Variants in PIK3R6 observed in about 807,000 individuals in gnomAD.
PIK3R6 encodes the protein phosphoinositide-3-kinase regulatory subunit 6.
PIK3R6 carries 91 observed loss-of-function variants against 84.9 expected under a neutral mutation model. That is an observed-to-expected ratio of 1.07 (90% CI 0.90 to 1.28). The LOEUF (loss-of-function observed/expected upper bound fraction) is 1.28. Among genes scored for constraint, PIK3R6 ranks in the 50% most tolerant of loss-of-function variants. PIK3R6 has a pLI of 0.00. For synonymous variants in PIK3R6, 416 were observed against 411.4 expected, an observed-to-expected ratio of 1.01 and a Z score of -0.13; for missense variants, 996 against 985.1, an observed-to-expected ratio of 1.01 and a Z score of -0.15.
chr17:8,858,383 C>T (rs1222853691), intron 1 of PIK3R6, among the ~76,000 whole-genome samples: 6 of 136,042 alleles, frequency 4.4e-5, no homozygotes, highest in Admixed American at 3.3e-4. Context: ...GTGACGCGAT[C>T]TCGGCTCACT....
chr17:8,827,250 C>T lies in PIK3R6; in HGVS notation c.1437G>A (p.Thr479=), dbSNP rs553723709. The T allele has an allele frequency of 2.3e-5, 37 of 1,582,406 alleles. No individual in the cohort carries two copies. The highest frequency in any genetic ancestry group is 3.0e-5 in the Non-Finnish European group (35 of 1,164,544). The part of the protein sequence containing the change: ...SRQPELGELA[T]FLGRVDPWYQ... ...ACCACGGGTCTACGCGGCCCAGGAACGTAGCCAGCTCTCCCAGCTCCGGCT... is the reference window on the plus strand; with the variant it reads ...ACCACGGGTCTACGCGGCCCAGGAATGTAGCCAGCTCTCCCAGCTCCGGCT... Residue 479 remains threonine (T), a synonymous_variant, in exon 13 of 20, where the codon ACG becomes ACA. Coordinates refer to ENST00000619866, the MANE Select transcript of PIK3R6 (RefSeq NM_001010855.4).
intron 8 of PIK3R6, 33 bp from the exon 9 acceptor site, chr17:8,833,078 G>T (rs1395550453): frequency 6.6e-7 from 1 of 1,521,198 alleles, no homozygotes. Flanking sequence ...CCTGGGTCTT[G>T]GCCCAGCGCC....
chr17:8,808,918 A>G (rs1460235655), intron 18 of PIK3R6, among the ~76,000 whole-genome samples: 1 of 152,244 alleles, frequency 6.6e-6, no homozygotes, highest in Non-Finnish European at 1.5e-5. Context: ...GACTCAGAGT[A>G]CAGGGCTTCA....
rs776247729 is a variant in PIK3R6 at position 8,803,402 on chromosome 17, T to C, written c.2136A>G (p.Pro712=). 7 of 1,611,946 alleles carry C rather than the reference T, an allele frequency of 4.3e-6. No homozygotes were observed. The Admixed American group carries it at 1.0e-4, about 23-fold the overall frequency. Residue 712 remains proline (P), a synonymous_variant, in exon 20 of 20, where the codon CCA becomes CCG. Coordinates refer to ENST00000619866, the MANE Select transcript of PIK3R6 (RefSeq NM_001010855.4). This position sits in a 1 kb window ranked among gnomAD's most constrained non-coding sequence, Gnocchi z 5.0. ...VRFEVAPCPE[P]CSGAQKSKAP... is the part of the protein sequence containing the mutation. ...CCTTGGACTTCTGGGCCCCAGAACATGGTTCTGGGCAGGGAGCAACCTCGA... is the reference window on the plus strand; with the variant it reads ...CCTTGGACTTCTGGGCCCCAGAACACGGTTCTGGGCAGGGAGCAACCTCGA...
chr17:8,863,598 G>A (rs746913755), intron 1 of PIK3R6, among the ~76,000 whole-genome samples: 110 of 151,914 alleles, frequency 7.2e-4, no homozygotes, highest in Middle Eastern at 6.8e-3. Context: ...GCAGTGGTGC[G>A]ATCTCGGCTC....
chr17:8,829,543 CACAG>C lies in PIK3R6; in HGVS notation c.889+159_889+162del, dbSNP rs1325956680. 2.2e-3 allele frequency among the ~76,000 whole-genome samples: 325 copies of C among 150,430 alleles called. 4 individuals carry two copies. The highest frequency in any genetic ancestry group is 0.02 in the South Asian group (95 of 4,758). On this transcript the variant is annotated intron_variant, in intron 10 of 19. Coordinates refer to ENST00000619866, the MANE Select transcript of PIK3R6 (RefSeq NM_001010855.4). ...ACACACACACTGACACACGCATGCA[CACAG>C]ACACACACTCATGCACACATACACA... is the stretch of plus-strand genomic sequence containing the variant.
At position 8,856,653 on chromosome 17, in the gene PIK3R6, C is replaced by A. The variant is rs558777580; in HGVS notation, c.-91-6768G>T. 4.6e-5 allele frequency among the ~76,000 whole-genome samples: 7 copies of A among 152,228 alleles called. 1 individual carries two copies. Among genetic ancestry groups the A allele is most frequent in the African/African-American group, 1.7e-4 (7 of 41,544 alleles). ...GATGTTGATGTCGATACATTTTATT[C>A]CGATTTCCCCAGTTTCACCTGTACT... On this transcript the variant is annotated intron_variant, in intron 1 of 19. Coordinates refer to ENST00000619866, the MANE Select transcript of PIK3R6 (RefSeq NM_001010855.4).
In PIK3R6 at chr17:8,839,598, G is replaced by A. The variant is rs1459146167; in HGVS notation, c.97+16C>T. 1.9e-6 allele frequency: 3 copies of A among 1,554,414 alleles called. No individual in the cohort carries two copies. Among genetic ancestry groups the A allele is most frequent in the Non-Finnish European group, 2.6e-6 (3 of 1,147,576 alleles). ...GAGGTCAGAGGGACCAGCTGCTGCT[G>A]CCAGCTGGCTCTTACCTTGGTTGCT... On this transcript the variant is annotated intron_variant, in intron 3 of 19. Coordinates refer to ENST00000619866, the MANE Select transcript of PIK3R6 (RefSeq NM_001010855.4). This position sits in a 1 kb window ranked among gnomAD's most constrained non-coding sequence, Gnocchi z 4.2.
chr17:8,835,047 A>C (rs974197665), intron 8 of PIK3R6, among the ~76,000 whole-genome samples: 1 of 152,222 alleles, frequency 6.6e-6, no homozygotes, highest in Non-Finnish European at 1.5e-5. Flanking sequence ...CATGTTGGCC[A>C]GGCTGGTCTT....
rs144753009 is a variant in PIK3R6, at chr17:8,828,771, C to G, written c.1109G>C (p.Gly370Ala). 5.0e-6 allele frequency: 8 copies of G among 1,592,116 alleles called. No individual in the cohort carries two copies. The highest frequency in any genetic ancestry group is 4.0e-5 in the African/African-American group (3 of 74,538). Reference protein sequence around the residue: ...EMERAGLQRKGGIKKRAWPLD... With the variant: ...EMERAGLQRKAGIKKRAWPLD... ...GGGCCATGCACGCTTCTTGATGCCC[C>G]CTTTGCGCTGCAGCCCGGCTCGCTC... Residue 370 changes from glycine to alanine, a missense_variant, in exon 11 of 20, where the codon GGG becomes GCG. Transcript: ENST00000619866.
intron 16 of PIK3R6, 129 bp downstream of exon 16, chr17:8,822,458 C>G: frequency 9.3e-7 from 1 of 1,071,506 alleles, no homozygotes; most frequent in Non-Finnish European, 1.4e-6. Flanking sequence ...CTGGGGAACT[C>G]TGCGGGCAGC....
intron 9 of PIK3R6, among the ~76,000 whole-genome samples, chr17:8,830,380 C>T (rs1216306232): frequency 1.3e-5 from 2 of 152,208 alleles, no homozygotes; most frequent in Admixed American, 6.5e-5. Context: ...TCCAGTGGCC[C>T]GCGGTGGTCA....
At chr17:8,820,844 C>T (rs1195731089) in intron 17 of PIK3R6, among the ~76,000 whole-genome samples, 3 of 152,160 alleles carry the variant, frequency 2.0e-5, no homozygotes, top group African/African-American at 7.2e-5. Context: ...GGAGTAAATA[C>T]TCGTGGTTGG....
Position 8,827,221 on chromosome 17 carries a change from T to C in PIK3R6, c.1466A>G (p.Gln489Arg). Residue 489 changes from glutamine (Q) to arginine (R), a missense_variant, in exon 13 of 20, where the codon CAG becomes CGG. Physicochemically the swap from Gln to Arg is conservative, Grantham distance 43 (BLOSUM62 1). Transcript: ENST00000619866. The stretch of plus-strand genomic sequence containing the variant: ...GGGGCACAGCGTGTTGACGTTGCTC[T>C]GGTACCACGGGTCTACGCGGCCCAG... Reference protein sequence around the residue: ...TFLGRVDPWYQSNVNTLCPAI... With the variant: ...TFLGRVDPWYRSNVNTLCPAI... The C allele has an allele frequency of 6.2e-7, 1 of 1,608,450 alleles. No homozygotes were observed. The highest frequency in any genetic ancestry group is 8.5e-7 in the Non-Finnish European group (1 of 1,177,672).
chr17:8,803,329 C>T lies in PIK3R6; in HGVS notation c.2209G>A (p.Ala737Thr). Reference sequence around the variant, plus strand: ...GGCATCAGAAGGGGCTTGGGCTTGGCTTTGATTGCTTCCACCTCCTGTTGC... The same window carrying T: ...GGCATCAGAAGGGGCTTGGGCTTGGTTTTGATTGCTTCCACCTCCTGTTGC... Reference protein sequence around the residue: ...HGQQEVEAIKAKPKPLLMPIN... With the variant: ...HGQQEVEAIKTKPKPLLMPIN... The change falls in exon 20 of 20, where the codon GCC (alanine) becomes ACC (threonine). Residue 737 changes from alanine to threonine, a missense_variant. Physicochemically the swap from Ala to Thr is moderately conservative, Grantham distance 58 (BLOSUM62 0). Coordinates refer to ENST00000619866, the MANE Select transcript of PIK3R6 (RefSeq NM_001010855.4). The surrounding 1 kb of genome is among the most constrained non-coding windows in gnomAD (Gnocchi z 5.0). The T allele has an allele frequency of 1.2e-6, 2 of 1,613,442 alleles. No individual in the cohort carries two copies. The highest frequency in any genetic ancestry group is 2.2e-5 in the South Asian group (2 of 91,066).
intron 14 of PIK3R6, 42 bp from the exon 15 acceptor site, chr17:8,823,128 C>T (rs756494436): frequency 7.1e-7 from 1 of 1,416,074 alleles, no homozygotes; most frequent in Non-Finnish European, 1.0e-6. Flanking sequence ...GGTGTGATTT[C>T]CAAATCACTC....
chr17:8,832,820 G>A, intron 9 of PIK3R6, 69 bp downstream of exon 9: 2 of 1,602,770 alleles, frequency 1.2e-6, no homozygotes. Context: ...GCTCTCTGGC[G>A]CCCCCTGCTG....
rs114011753 is a variant in PIK3R6 at position 8,809,487 on chromosome 17, G to T, written c.1996-5334C>A. On this transcript the variant is annotated intron_variant, in intron 18 of 19. Transcript: ENST00000619866. ...AAGGGACTAAATGCTCCACTTAAAAGATATAGGCTCAGCTGGGCACAGTGG... is the reference window on the plus strand; with the variant it reads ...AAGGGACTAAATGCTCCACTTAAAATATATAGGCTCAGCTGGGCACAGTGG... 9.0e-3 allele frequency among the ~76,000 whole-genome samples: 1,374 copies of T among 152,240 alleles called. 17 individuals are homozygous for T. The highest frequency in any genetic ancestry group is 0.032 in the African/African-American group (1,312 of 41,538).
chr17:8,861,201 A>C (rs565947268), intron 1 of PIK3R6, among the ~76,000 whole-genome samples: 389 of 150,432 alleles, frequency 2.6e-3, no homozygotes, highest in Middle Eastern at 0.021. Flanking sequence ...AAAAAAAAAG[A>C]AAGAAAGAAA....
Sources: gnomAD v4.1 joint callset for allele counts (sites outside exome capture counted in the v4.1 genomes callset) on GRCh38, gnomAD v4.1.1 for gene constraint, Gnocchi (gnomAD v3.1) non-coding constraint, MANE v1.5 for transcripts, NCBI Gene and HGNC (gene_info 2026-07-23, HGNC 2026-07-21) for gene names.